Variants in ARSG observed in about 807,000 individuals in gnomAD.
The protein encoded by ARSG is ASG.
Under a neutral mutation model 50.5 loss-of-function variants are expected in ARSG, and 37 were observed. That is an observed-to-expected ratio of 0.73 (90% CI 0.56 to 0.96). The LOEUF is 0.96. ARSG is among the 50% of genes least tolerant of loss of function. ARSG has a pLI of 0.00. For missense variants in ARSG, 629 were observed against 675.3 expected (o/e 0.93, Z 0.76); for synonymous variants, 225 against 254.6 (o/e 0.88, Z 1.11).
chr17:68,408,516 G>A (rs1320265108), intron 11 of ARSG, among the ~76,000 whole-genome samples: 3 of 151,832 alleles, frequency 2.0e-5, no homozygotes, highest in Non-Finnish European at 4.4e-5. Flanking sequence ...TCTTAATCCA[G>A]TCTATCATTG....
rs140315796 is a variant in ARSG at position 68,396,809 on chromosome 17, G to A, written c.1212+1616G>A. Among the ~76,000 whole-genome samples, 503 of 152,282 alleles carry A rather than the reference G, an allele frequency of 3.3e-3. 3 individuals carry two copies. The highest frequency in any genetic ancestry group is 0.012 in the African/African-American group (483 of 41,566). On this transcript the variant is annotated intron_variant, in intron 10 of 11. Transcript: ENST00000621439. ...AGCCTGAGAGGTGTTCTGAAGTCCT[G>A]CTTCTCCCCAGAATATCTGCCCCCT...
chr17:68,344,402 G>A (rs1448723812), intron 3 of ARSG, among the ~76,000 whole-genome samples: 1 of 152,214 alleles, frequency 6.6e-6, no homozygotes, highest in Non-Finnish European at 1.5e-5. Context: ...TGGGGACATG[G>A]GCATTGCTGG....
chr17:68,390,304 G>A (rs77559241), intron 9 of ARSG, among the ~76,000 whole-genome samples: 24,959 of 151,952 alleles, frequency 0.16, 3,990 homozygotes, highest in African/African-American at 0.39. Context: ...TCCTTCAGCA[G>A]CCCCTTGGAT....
Position 68,381,441 on chromosome 17 carries a change from CAACT to C in ARSG, c.983-3619_983-3616del, listed in dbSNP as rs2146957940. Among the ~76,000 whole-genome samples, 1 of 152,304 alleles carries C rather than the reference CAACT, an allele frequency of 6.6e-6. No homozygotes were observed. Among genetic ancestry groups the C allele is most frequent in the Non-Finnish European group, 1.5e-5 (1 of 68,024 alleles). On this transcript the variant is annotated intron_variant, in intron 8 of 11. Transcript: ENST00000621439. The surrounding 1 kb of genome is among the most constrained non-coding windows in gnomAD (Gnocchi z 4.1). ...GCATTTCTCGACAGAAAGCCGAAGG[CAACT>C]AACAGTTTTAATGTGCCAGTGCCTG...
At chr17:68,310,859 CATTTTTTAGCCCTAAGGA>C (rs1555766474) in intron 2 of ARSG, among the ~76,000 whole-genome samples, 2 of 152,206 alleles carry the variant, frequency 1.3e-5, no homozygotes, top group Admixed American at 6.5e-5. Flanking sequence ...CCTTCAAAGA[CATTTTTTAGCCCTAAGGA>C]TAAAACCCAT....
intron 9 of ARSG, among the ~76,000 whole-genome samples, chr17:68,386,266 C>T (rs895853335): frequency 6.6e-6 from 1 of 152,150 alleles, no homozygotes; most frequent in Non-Finnish European, 1.5e-5. Context: ...TCCGTAGAAC[C>T]CTGTGCTCAT....
intron 1 of ARSG, chr17:68,266,897 A>C (rs2075177017): frequency 6.6e-6 from 1 of 152,198 alleles, no homozygotes; most frequent in South Asian, 2.1e-4. Flanking sequence ...TAGAGTTAAA[A>C]GGTTTTGCAG....
chr17:68,370,770 G>A (rs1188893527), intron 8 of ARSG, among the ~76,000 whole-genome samples: 7 of 152,062 alleles, frequency 4.6e-5, no homozygotes, highest in South Asian at 2.1e-4. Flanking sequence ...TCCCAAAGGC[G>A]ACCAGCCCTC....
At chr17:68,262,226 C>G (rs549464574) in intron 1 of ARSG, among the ~76,000 whole-genome samples, 22 of 151,784 alleles carry the variant, frequency 1.4e-4, no homozygotes, top group African/African-American at 5.1e-4. Context: ...ATTCCCAGCA[C>G]TTTGGGAGGC....
downstream of ARSG, chr17:68,427,233 G>T (rs1178364159): frequency 1.2e-6 from 2 of 1,613,948 alleles, no homozygotes; most frequent in Non-Finnish European, 1.7e-6. Context: ...ATTCTCTTCT[G>T]TTGTTCCTGA....
At position 68,281,854 on chromosome 17, in the gene ARSG, A is replaced by C. The variant is rs180701287; in HGVS notation, c.-552+22428A>C. On this transcript the variant is annotated intron_variant, in intron 1 of 11. Coordinates refer to the ARSG transcript ENST00000448504. ...ACGGCCAATAAGGAGAACAGTATGGAGCTTCCTCAAAAAACTACAAATATA... is the reference window on the plus strand; with the variant it reads ...ACGGCCAATAAGGAGAACAGTATGGCGCTTCCTCAAAAAACTACAAATATA... Among the ~76,000 whole-genome samples the C allele has an allele frequency of 1.5e-4, 23 of 152,266 alleles. No individual in the cohort carries two copies. The East Asian group carries it at 4.2e-3, about 28-fold the overall frequency.
intron 7 of ARSG, 48 bp downstream of exon 7, chr17:68,368,792 C>T (rs753055551): frequency 1.9e-6 from 3 of 1,584,676 alleles, no homozygotes; most frequent in Admixed American, 3.6e-5. Flanking sequence ...AATAGACAAC[C>T]TTGCACATTA....
In ARSG at chr17:68,420,528, ATTTTTACCCTCTT is replaced by A. The variant is rs2082707034; in HGVS notation, c.*67_*79del. ...TTAGGCAAGTTTGCTTCCAAATTTCATTTTTACCCTCTTTACAAACACACGCTTTAGTTTAGTC... is the reference window on the plus strand; with the variant it reads ...TTAGGCAAGTTTGCTTCCAAATTTCATACAAACACACGCTTTAGTTTAGTC... On this transcript the variant is annotated 3_prime_UTR_variant, in exon 12 of 12. Transcript: ENST00000621439. 9 of 1,541,640 alleles carry A rather than the reference ATTTTTACCCTCTT, an allele frequency of 5.8e-6. No individual in the cohort carries two copies. The highest frequency in any genetic ancestry group is 8.0e-6 in the Non-Finnish European group (9 of 1,126,638).
chr17:68,361,507 C>T (rs950919039), intron 6 of ARSG, among the ~76,000 whole-genome samples: 5 of 151,558 alleles, frequency 3.3e-5, no homozygotes, highest in African/African-American at 9.7e-5. Flanking sequence ...TGAGCTCAGG[C>T]GTTCAAGACC....
intron 8 of ARSG, among the ~76,000 whole-genome samples, chr17:68,371,013 T>C (rs1216360937): frequency 6.6e-6 from 1 of 152,094 alleles, no homozygotes; most frequent in African/African-American, 2.4e-5. Context: ...ATAGCTCCAT[T>C]TACAGATGAA....
chr17:68,307,274 T>A lies in ARSG; in HGVS notation c.-220T>A. Reference sequence around the variant, plus strand: ...AGGGATTGCAAATTTCCTGATTCTTTTGAATTAGGATTCCAGATGGGGGCC... The same window carrying A: ...AGGGATTGCAAATTTCCTGATTCTTATGAATTAGGATTCCAGATGGGGGCC... On this transcript the variant is annotated 5_prime_UTR_variant, in exon 2 of 12. The change creates a new upstream start codon in the 5' untranslated region. Coordinates refer to ENST00000621439, the MANE Select transcript of ARSG (RefSeq NM_001267727.2). 1.9e-6 allele frequency: 1 copy of A among 533,874 alleles called. No individual in the cohort carries two copies. The highest frequency in any genetic ancestry group is 2.9e-5 in the South Asian group (1 of 34,636). 33.1% of individuals were successfully genotyped at this position (533,874 alleles called of 1,614,324 possible).
intron 1 of ARSG, among the ~76,000 whole-genome samples, chr17:68,292,778 GGTT>G (rs1231161075): frequency 7.2e-5 from 11 of 152,164 alleles, no homozygotes; most frequent in Non-Finnish European, 1.5e-4. Context: ...GACAAGTTCT[GGTT>G]GTGTAAGTGG....
At chr17:68,295,619 A>G (rs374745609) in intron 1 of ARSG, among the ~76,000 whole-genome samples, 2 of 151,758 alleles carry the variant, frequency 1.3e-5, no homozygotes, top group African/African-American at 4.8e-5. Context: ...CTTGAAGACC[A>G]AACGTTTGAG....
chr17:68,405,835 G>A (rs1600119892), intron 11 of ARSG, among the ~76,000 whole-genome samples: 1 of 152,084 alleles, frequency 6.6e-6, no homozygotes, highest in South Asian at 2.1e-4. Flanking sequence ...AACCACTCTT[G>A]CTATCTTTTG....
Sources: allele counts gnomAD v4.1 joint callset (sites outside exome capture counted in the v4.1 genomes callset), GRCh38; gene constraint gnomAD v4.1.1; non-coding constraint Gnocchi (gnomAD v3.1); transcripts MANE v1.5; gene names NCBI Gene and HGNC (gene_info 2026-07-23, HGNC 2026-07-21).